Variants in SLC9A6 observed in about 807,000 individuals in gnomAD.
SLC9A6 encodes the protein sodium/hydrogen exchanger 6.
In SLC9A6, 6 loss-of-function variants were observed where a neutral mutation model predicts 45.3. The ratio of observed to expected loss-of-function variants is 0.13; its 90% CI spans 0.07 to 0.26. SLC9A6 has a LOEUF of 0.26. Among genes scored for constraint, SLC9A6 ranks in the 10% least tolerant of loss-of-function variants. The pLI is 1.00. For synonymous variants in SLC9A6, 191 were observed against 187.7 expected (o/e 1.02, Z -0.14); for missense variants, 278 against 503.7 (o/e 0.55, Z 4.29).
chrX:136,007,457 AT>A (rs1259321804), intron 7 of SLC9A6, among the ~76,000 whole-genome samples: 1 of 111,586 alleles, frequency 9.0e-6, no homozygotes, highest in African/African-American at 3.3e-5. Flanking sequence ...CCACTCATAC[AT>A]TGTTAACATT....
At chrX:136,038,275 C>T (rs1410846339) in intron 16 of SLC9A6, among the ~76,000 whole-genome samples, 1 of 111,650 alleles carries the variant, frequency 9.0e-6, no homozygotes, top group African/African-American at 3.3e-5. Context: ...GTATCAGATG[C>T]TTTTTCTGCA....
chrX:136,033,193 C>G (rs1556621361), intron 15 of SLC9A6: 1 of 255,550 alleles, frequency 3.9e-6, no homozygotes, highest in African/African-American at 2.9e-5. Flanking sequence ...AGAGTAGATT[C>G]GTAAGTTAGC....
intron 10 of SLC9A6, among the ~76,000 whole-genome samples, chrX:136,014,901 G>A (rs2070991286): frequency 8.8e-6 from 1 of 113,067 alleles, no homozygotes; most frequent in Admixed American, 9.3e-5. Flanking sequence ...CAGATTATAT[G>A]TCATAGAAGA....
upstream of SLC9A6, among the ~76,000 whole-genome samples, chrX:135,980,443 CTGAG>C (rs1411976769): frequency 1.8e-5 from 2 of 111,699 alleles, no homozygotes; most frequent in Non-Finnish European, 3.8e-5. Context: ...TAGTATTACA[CTGAG>C]TGAAGCTCTC....
intron 13 of SLC9A6, among the ~76,000 whole-genome samples, chrX:136,026,029 T>C (rs1226649533): frequency 8.0e-5 from 9 of 112,316 alleles, no homozygotes; most frequent in Admixed American, 2.8e-4. Flanking sequence ...AAATTTAATC[T>C]ACATCACTAG....
chrX:136,006,689 G>C (rs372056322), intron 7 of SLC9A6, among the ~76,000 whole-genome samples: 1 of 109,980 alleles, frequency 9.1e-6, no homozygotes, highest in Non-Finnish European at 1.9e-5. Context: ...ATGGATTACC[G>C]TGATTAGCCT....
chrX:136,003,921 T>G (rs190966572), intron 7 of SLC9A6, among the ~76,000 whole-genome samples: 1 of 110,859 alleles, frequency 9.0e-6, no homozygotes, highest in Non-Finnish European at 1.9e-5. Flanking sequence ...ATTATAGATA[T>G]GTAGTTATGT....
upstream of SLC9A6, among the ~76,000 whole-genome samples, chrX:135,982,275 A>G (rs1265130418): frequency 9.2e-6 from 1 of 108,437 alleles, no homozygotes; most frequent in Non-Finnish European, 1.9e-5. Context: ...AAGGAGAGAT[A>G]GTACAGTAGC....
At chrX:135,984,044 A>G (rs1405879986), upstream of SLC9A6, among the ~76,000 whole-genome samples, 1 of 111,464 alleles carries the variant, frequency 9.0e-6, no homozygotes, top group Non-Finnish European at 1.9e-5. Flanking sequence ...AGGGACAGAA[A>G]GTGGAATTGG....
chrX:135,998,128 AT>A lies in SLC9A6; in HGVS notation c.395del (p.Phe132SerfsTer16). ...AACAGGTTACTTTTGATCCAGAAGT[AT>A]TTTTCAACATATTACTTCCTCCTAT... ...LRKVTFDPEV[F>X]FNILLPPIIF... is the part of the protein sequence containing the mutation. On this transcript the variant is annotated frameshift_variant, in exon 4 of 18. Coordinates refer to ENST00000630721, the MANE Select transcript of SLC9A6 (RefSeq NM_001379110.1). LOFTEE classifies it high-confidence loss of function. The A allele has an allele frequency of 9.0e-7, 1 of 1,109,180 alleles. No homozygotes were observed. The highest frequency in any genetic ancestry group is 1.2e-6 in the Non-Finnish European group (1 of 802,491). 91.4% of individuals were successfully genotyped at this position (1,109,180 alleles called of 1,213,427 possible). A position where few individuals can be genotyped will look rare whatever the true frequency, so the allele number is the denominator to read the frequency against.
At position 136,044,494 on chromosome X, in the gene SLC9A6, A is replaced by G; in HGVS notation, c.1810A>G (p.Asn604Asp). 2 of 1,204,691 alleles carry G rather than the reference A, an allele frequency of 1.7e-6. No individual in the cohort carries two copies. The highest frequency in any genetic ancestry group is 3.5e-5 in the African/African-American group (2 of 57,615). Reference protein sequence around the residue: ...LKDDDSDLILNDGDISLTYGD... With the variant: ...LKDDDSDLILDDGDISLTYGD... ...AGATGATGATTCTGATCTTATTCTC[A>G]ATGATGGTGACATCAGTTTGACATA... The change falls in exon 18 of 18, where the codon AAT becomes GAT. Residue 604 changes from asparagine to aspartate, a missense_variant. Physicochemically the swap from Asn to Asp is conservative, Grantham distance 23. Around this residue, in one of 5 missense-constraint regions of SLC9A6, gnomAD observed 91 missense variants for 125.1 expected, o/e 0.73. Transcript: ENST00000630721.
intron 7 of SLC9A6, among the ~76,000 whole-genome samples, chrX:136,002,888 C>G (rs1414358122): frequency 9.1e-6 from 1 of 110,489 alleles, no homozygotes; most frequent in Non-Finnish European, 1.9e-5. Context: ...AATATATTCA[C>G]GTGGCTCATA....
rs183166332 is a variant in SLC9A6 at position 136,004,028 on chromosome X, A to G, written c.743+1815A>G. ...ATACATGTTACTATAAGGTGTTTGC[A>G]GGTTGAAGAATGAGTCTGAACCTCT... On this transcript the variant is annotated intron_variant, in intron 7 of 17. Coordinates refer to ENST00000630721, the MANE Select transcript of SLC9A6 (RefSeq NM_001379110.1). Among the ~76,000 whole-genome samples, 551 of 107,848 alleles carry G rather than the reference A, an allele frequency of 5.1e-3. 3 individuals are homozygous for G. Among genetic ancestry groups the G allele is most frequent in the Non-Finnish European group, 8.6e-3 (448 of 52,195 alleles). 93.7% of individuals were successfully genotyped at this position (107,848 alleles called of 115,157 possible).
upstream of SLC9A6, among the ~76,000 whole-genome samples, chrX:135,980,386 G>A (rs2148125733): frequency 9.2e-6 from 1 of 108,591 alleles, no homozygotes; most frequent in African/African-American, 3.4e-5. Context: ...CACCTCCAAC[G>A]AATCAATGAC....
chrX:136,030,500 G>A (rs781926280), intron 15 of SLC9A6: 6 of 252,068 alleles, frequency 2.4e-5, no homozygotes, highest in Admixed American at 1.2e-4. Context: ...TTTGGTTTGC[G>A]CATGAAGGCT....
intron 14 of SLC9A6, chrX:136,029,906 G>A (rs183256996): frequency 5.4e-5 from 23 of 422,374 alleles, no homozygotes; most frequent in African/African-American, 5.2e-4. Flanking sequence ...AAGTAAGATT[G>A]CAGGAAGAGA....
intron 13 of SLC9A6, among the ~76,000 whole-genome samples, chrX:136,024,849 A>T (rs12689820): frequency 0.074 from 8,230 of 111,107 alleles, 328 homozygotes; most frequent in African/African-American, 0.16. Context: ...CTTAATCAAA[A>T]CCCTGTTGTT....
chrX:136,029,950 A>G (rs1435805529), intron 14 of SLC9A6, 182 bp from the exon 15 acceptor site: 1 of 464,347 alleles, frequency 2.2e-6, no homozygotes, highest in Non-Finnish European at 3.8e-6. Flanking sequence ...TTAGAATCCA[A>G]GCTGTTGCTA....
intron 16 of SLC9A6, among the ~76,000 whole-genome samples, chrX:136,036,956 A>G (rs1292004114): frequency 8.9e-6 from 1 of 112,350 alleles, no homozygotes; most frequent in Non-Finnish European, 1.9e-5. Flanking sequence ...ATGCAGCACC[A>G]TTTATTGAAA....
Sources: gnomAD v4.1 joint callset for allele counts (sites outside exome capture counted in the v4.1 genomes callset) on GRCh38, gnomAD v4.1.1 for gene constraint, gnomAD v4.1.1 regional missense constraint, MANE v1.5 for transcripts, NCBI Gene and HGNC (gene_info 2026-07-23, HGNC 2026-07-21) for gene names.